The following FREM2 variants were observed in gnomAD, a reference collection of about 807,000 sequenced individuals.
The protein encoded by FREM2 is FRAS1 related extracellular matrix 2.
Under a neutral mutation model 219.9 loss-of-function variants are expected in FREM2, and 119 were observed. That is an observed-to-expected ratio of 0.54 (90% CI 0.47 to 0.63). FREM2 has a LOEUF of 0.63. FREM2 is among the 30% of genes least tolerant of loss of function. The pLI, the probability that FREM2 is intolerant of heterozygous loss-of-function variation, is 0.00. For missense variants in FREM2, 4,030 were observed against 3,993.6 expected (o/e 1.01, Z -0.25); for synonymous variants, 1,562 against 1,522.8 (o/e 1.03, Z -0.60).
intron 6 of FREM2, among the ~76,000 whole-genome samples, chr13:38,820,882 C>T (rs183125235): frequency 1.6e-4 from 25 of 152,268 alleles, no homozygotes; most frequent in African/African-American, 5.8e-4. Context: ...GCACTATGCA[C>T]CTATGGTCTA....
At position 38,851,777 on chromosome 13, in the gene FREM2, C is replaced by T; in HGVS notation, c.6834C>T (p.Arg2278=). 1 of 1,613,720 alleles carries T rather than the reference C, an allele frequency of 6.2e-7. No homozygotes were observed. Among genetic ancestry groups the T allele is most frequent in the East Asian group, 2.2e-5 (1 of 44,836 alleles). Residue 2278 remains arginine, a synonymous_variant, in exon 11 of 24, where the codon CGC becomes CGT. Coordinates refer to ENST00000280481, the MANE Select transcript of FREM2 (RefSeq NM_207361.6). ...TGGTTATAAGAATTCCAGTGATTCGCCAAGGAGACACTTCAAAGGTTTCCA... is the reference window on the plus strand; with the variant it reads ...TGGTTATAAGAATTCCAGTGATTCGTCAAGGAGACACTTCAAAGGTTTCCA... ...ESVVIRIPVI[R]QGDTSKVSIV... is the part of the protein sequence containing the mutation.
At chr13:38,870,637 A>G (rs2137931811) in intron 16 of FREM2, among the ~76,000 whole-genome samples, 1 of 152,306 alleles carries the variant, frequency 6.6e-6, no homozygotes. Context: ...TCCTCCAGGT[A>G]GAGATTCTAA....
chr13:38,798,323 T>C (rs1476498801), intron 6 of FREM2, among the ~76,000 whole-genome samples: 1 of 152,092 alleles, frequency 6.6e-6, no homozygotes, highest in Non-Finnish European at 1.5e-5. Context: ...TGTTTTAAAT[T>C]GCACTTGATC....
chr13:38,799,623 A>G (rs1874932262), intron 6 of FREM2, among the ~76,000 whole-genome samples: 1 of 151,792 alleles, frequency 6.6e-6, no homozygotes. Context: ...AGTAATATTT[A>G]TTTTATGAAT....
chr13:38,801,291 G>A (rs933589573), intron 6 of FREM2, among the ~76,000 whole-genome samples: 15 of 152,018 alleles, frequency 9.9e-5, no homozygotes, highest in African/African-American at 2.7e-4. Context: ...TGTATCTCAC[G>A]GAGCTTCATT....
intron 4 of FREM2, among the ~76,000 whole-genome samples, chr13:38,771,939 C>T (rs1873679865): frequency 6.6e-6 from 1 of 152,158 alleles, no homozygotes; most frequent in Non-Finnish European, 1.5e-5. Context: ...TGCAAATATT[C>T]TTACTTCTAA....
At chr13:38,740,356 T>G (rs1410298769) in intron 2 of FREM2, among the ~76,000 whole-genome samples, 4 of 152,198 alleles carry the variant, frequency 2.6e-5, no homozygotes, top group Non-Finnish European at 5.9e-5. Context: ...AAGAAAGTGA[T>G]AGTAAACTGA....
chr13:38,693,337 C>T (rs1869977471), intron 1 of FREM2, among the ~76,000 whole-genome samples: 3 of 152,240 alleles, frequency 2.0e-5, no homozygotes, highest in African/African-American at 7.2e-5. Context: ...TGAACCTCCT[C>T]TCTGACCTGT....
At chr13:38,852,839 G>C (rs1171851040) in intron 11 of FREM2, among the ~76,000 whole-genome samples, 2 of 151,604 alleles carry the variant, frequency 1.3e-5, no homozygotes, top group Non-Finnish European at 2.9e-5. Context: ...CAAGAAGCTA[G>C]GACTACAGGC....
chr13:38,722,750 T>TTC (rs1555263399), intron 2 of FREM2, among the ~76,000 whole-genome samples: 1 of 151,522 alleles, frequency 6.6e-6, no homozygotes, highest in Non-Finnish European at 1.5e-5. Flanking sequence ...GTAACGTTTT[T>TTC]TTTTTTTTTT....
At chr13:38,737,832 C>CTCAAG (rs999211874) in intron 2 of FREM2, among the ~76,000 whole-genome samples, 1 of 152,102 alleles carries the variant, frequency 6.6e-6, no homozygotes, top group Admixed American at 6.6e-5. Context: ...AGACTTTATC[C>CTCAAG]TCAAGTCAAT....
At chr13:38,698,598 T>C (rs966742326) in intron 2 of FREM2, among the ~76,000 whole-genome samples, 2 of 152,136 alleles carry the variant, frequency 1.3e-5, no homozygotes, top group Non-Finnish European at 2.9e-5. Context: ...CTAGTACATG[T>C]GTTGTGTGAA....
chr13:38,886,789 G>A lies in FREM2; in HGVS notation c.*6002G>A, dbSNP rs1183848655. On this transcript the variant is annotated 3_prime_UTR_variant, in exon 24 of 24. Coordinates refer to ENST00000280481, the MANE Select transcript of FREM2 (RefSeq NM_207361.6). ...TTACGTGCCTGCTTCCTTACCAAGTGCCCTCCATAACACTAAGTAAATTTA... is the reference window on the plus strand; with the variant it reads ...TTACGTGCCTGCTTCCTTACCAAGTACCCTCCATAACACTAAGTAAATTTA... 6.6e-6 allele frequency: 1 copy of A among 152,150 alleles called. No individual in the cohort carries two copies. The highest frequency in any genetic ancestry group is 1.5e-5 in the Non-Finnish European group (1 of 68,028). The allele number at this position is 152,150 out of a possible 1,614,324, so 9.4% of individuals were successfully genotyped here. A position where few individuals can be genotyped will look rare whatever the true frequency, so the allele number is the denominator to read the frequency against.
intron 2 of FREM2, among the ~76,000 whole-genome samples, chr13:38,751,760 G>C (rs572348625): frequency 6.6e-6 from 1 of 151,510 alleles, no homozygotes; most frequent in Non-Finnish European, 1.5e-5. Flanking sequence ...CATGGACCTC[G>C]TTCCAAAATA....
chr13:38,861,293 G>T, intron 14 of FREM2, 138 bp from the exon 15 acceptor site: 1 of 815,974 alleles, frequency 1.2e-6, no homozygotes, highest in Non-Finnish European at 2.0e-6. Flanking sequence ...ATCACGTGAT[G>T]TACACTCTTA....
At chr13:38,755,246 T>C (rs1463114580) in intron 2 of FREM2, among the ~76,000 whole-genome samples, 8 of 152,036 alleles carry the variant, frequency 5.3e-5, no homozygotes, top group Admixed American at 4.6e-4. Context: ...GGATAGGTGC[T>C]TTCCATAGTA....
chr13:38,849,319 G>A (rs373840856), intron 8 of FREM2, among the ~76,000 whole-genome samples: 15 of 152,194 alleles, frequency 9.9e-5, no homozygotes, highest in African/African-American at 2.2e-4. Flanking sequence ...AAGAATTCCC[G>A]TCACCACAGT....
intron 5 of FREM2, 114 bp from the exon 6 acceptor site, chr13:38,784,443 G>A (rs1191271539): frequency 1.8e-6 from 2 of 1,124,034 alleles, no homozygotes; most frequent in Non-Finnish European, 2.6e-6. Flanking sequence ...AGTTCTAGGG[G>A]TGTTCATGTC....
In FREM2 at chr13:38,886,310, A is replaced by T. The variant is rs1474837420; in HGVS notation, c.*5523A>T. 1 of 152,132 alleles carries T rather than the reference A, an allele frequency of 6.6e-6. No homozygotes were observed. Among genetic ancestry groups the T allele is most frequent in the African/African-American group, 2.4e-5 (1 of 41,440 alleles). 9.4% of individuals were successfully genotyped at this position (152,132 alleles called of 1,614,324 possible). A position where few individuals can be genotyped will look rare whatever the true frequency, so the allele number is the denominator to read the frequency against. ...TTCCATTGTGACTTCAGGAATTCAA[A>T]TGCAAGTTGTTGGCAAAATATATAT... On this transcript the variant is annotated 3_prime_UTR_variant, in exon 24 of 24. Coordinates refer to ENST00000280481, the MANE Select transcript of FREM2 (RefSeq NM_207361.6).
Sources: allele counts gnomAD v4.1 joint callset (sites outside exome capture counted in the v4.1 genomes callset), GRCh38; gene constraint gnomAD v4.1.1; transcripts MANE v1.5; gene names NCBI Gene and HGNC (gene_info 2026-07-23, HGNC 2026-07-21).